The following ABCC3 variants were observed in gnomAD, a reference collection of about 807,000 sequenced individuals.
ABCC3 encodes the protein ATP binding cassette subfamily C member 3.
Under a neutral mutation model 165.3 loss-of-function variants are expected in ABCC3, and 121 were observed. The observed-to-expected ratio is 0.73, with a 90% CI of 0.63 to 0.85. ABCC3 has a LOEUF of 0.85. Among genes scored for constraint, ABCC3 ranks in the 40% least tolerant of loss-of-function variants. The pLI, the probability that ABCC3 is intolerant of heterozygous loss-of-function variation, is 0.00. For synonymous variants in ABCC3, 733 were observed against 810.1 expected, an observed-to-expected ratio of 0.90 and a Z score of 1.62; for missense variants, 1,869 against 1,964.1, an observed-to-expected ratio of 0.95 and a Z score of 0.92.
chr17:50,676,664 G>A (rs1267106077), intron 23 of ABCC3, 76 bp downstream of exon 23: 7 of 1,092,408 alleles, frequency 6.4e-6, no homozygotes, highest in South Asian at 1.5e-5. Flanking sequence ...GGCAGCAGGG[G>A]TGGGACACTT....
intron 1 of ABCC3, among the ~76,000 whole-genome samples, chr17:50,652,087 A>G (rs1967124599): frequency 6.6e-6 from 1 of 152,252 alleles, no homozygotes; most frequent in Non-Finnish European, 1.5e-5. Flanking sequence ...CTGAGAGAAT[A>G]CTTCATTTAT....
chr17:50,690,966 G>A (rs752425987), intron 30 of ABCC3, 126 bp from the exon 31 acceptor site: 7 of 662,184 alleles, frequency 1.1e-5, no homozygotes, highest in South Asian at 1.8e-5. Flanking sequence ...CATGTGGTGC[G>A]GTGGCTGTGT....
chr17:50,669,043 T>A (rs1238954963), intron 15 of ABCC3, 97 bp from the exon 16 acceptor site: 2 of 1,596,158 alleles, frequency 1.3e-6, no homozygotes, highest in African/African-American at 2.7e-5. Context: ...CAGGGGGGTG[T>A]CTGGAAGGGC....
At chr17:50,635,393 C>T (rs1567822136) in intron 1 of ABCC3, 1 of 680,440 alleles carries the variant, frequency 1.5e-6, no homozygotes, top group Non-Finnish European at 2.7e-6. Context: ...GGTTAGGACT[C>T]GGTTGCCCAC....
Position 50,669,271 on chromosome 17 carries a change from G to A in ABCC3, c.2064+5G>A. ...GAAGGCAAAGTGCACATGAAGGTGA[G>A]AGAGGCAGGGGCTCCTGGGCAGGGT... On this transcript the variant is annotated splice_donor_5th_base_variant and intron_variant, in intron 16 of 30. Transcript: ENST00000285238. 6.2e-7 allele frequency: 1 copy of A among 1,614,122 alleles called. No individual in the cohort carries two copies. Among genetic ancestry groups the A allele is most frequent in the Non-Finnish European group, 8.5e-7 (1 of 1,180,014 alleles).
chr17:50,689,076 C>T (rs1567840586), intron 30 of ABCC3, among the ~76,000 whole-genome samples: 1 of 152,166 alleles, frequency 6.6e-6, no homozygotes, highest in Non-Finnish European at 1.5e-5. Context: ...GTGGCAGGCA[C>T]CTGTAGTCCC....
intron 30 of ABCC3, among the ~76,000 whole-genome samples, chr17:50,689,171 C>T (rs965189422): frequency 2.6e-5 from 4 of 152,036 alleles, no homozygotes; most frequent in East Asian, 1.9e-4. Context: ...GGGTGCAGAG[C>T]GAGACTCTGC....
chr17:50,657,074 A>G lies in ABCC3; in HGVS notation c.377A>G (p.Glu126Gly). ...CTGGCCACCCTGCTGATACAGTATG[A>G]GCGGCTGCAGGGCGTACAGTCTTCG... ...MLLATLLIQY[E>G]RLQGVQSSGV... Residue 126 changes from glutamate (E) to glycine (G), a missense_variant, in exon 4 of 31, where the codon GAG (glutamate) becomes GGG (glycine). By Grantham distance (98) the Glu-to-Gly change is moderately conservative. Transcript: ENST00000285238. 6.2e-7 allele frequency: 1 copy of G among 1,613,850 alleles called. No homozygotes were observed.
intron 25 of ABCC3, chr17:50,678,926 GA>G (rs57215419): frequency 0.1 from 15,232 of 146,372 alleles, 1,046 homozygotes; most frequent in East Asian, 0.33. Context: ...TCTCAAGAGA[GA>G]AAAAAAAAAA....
At position 50,674,022 on chromosome 17, in the gene ABCC3, CTCTCTCTCTCTCTCTTTCTTTCTT is replaced by C. The variant is rs1967741829; in HGVS notation, c.2599+368_2599+391del. The stretch of plus-strand genomic sequence containing the variant: ...TCTCTCTCTCTCTCTCTCTCTCTCT[CTCTCTCTCTCTCTCTTTCTTTCTT>C]TCTTTCTTTCTTTCTTTCTTTCTTT... On this transcript the variant is annotated intron_variant, in intron 19 of 30. Transcript: ENST00000285238. 2.3e-3 allele frequency among the ~76,000 whole-genome samples: 16 copies of C among 6,906 alleles called. 1 individual carries two copies. The highest frequency in any genetic ancestry group is 9.3e-3 in the African/African-American group (14 of 1,506). 4.5% of individuals were successfully genotyped at this position (6,906 alleles called of 152,430 possible). A position where few individuals can be genotyped will look rare whatever the true frequency, so the allele number is the denominator to read the frequency against.
At chr17:50,685,094 G>A (rs376562180) in intron 29 of ABCC3, among the ~76,000 whole-genome samples, 10 of 152,162 alleles carry the variant, frequency 6.6e-5, no homozygotes, top group African/African-American at 1.4e-4. Flanking sequence ...CCACTTCACC[G>A]GTCAGGGAAC....
Position 50,669,333 on chromosome 17 carries a change from A to C in ABCC3, c.2065-19A>C. On this transcript the variant is annotated intron_variant, in intron 16 of 30. Transcript: ENST00000285238. ...CCAGGCCTTGGGCAAGCCCCGAGGT[A>C]AATTTCTCCTGTGGCCAGGGCTCCG... is the stretch of plus-strand genomic sequence containing the variant. The C allele has an allele frequency of 6.2e-7, 1 of 1,614,188 alleles. No individual in the cohort carries two copies. Among genetic ancestry groups the C allele is most frequent in the Non-Finnish European group, 8.5e-7 (1 of 1,180,010 alleles).
At position 50,659,232 on chromosome 17, in the gene ABCC3, C is replaced by G. The variant is rs766502605; in HGVS notation, c.675-5C>G. ...GGCTGCCTGCCGGGCTTCACCTCCC[C>G]CCAGGATGGCCATCTATGGCTACCG... On this transcript the variant is annotated splice_polypyrimidine_tract_variant and splice_region_variant and intron_variant, in intron 6 of 30. Transcript: ENST00000285238. The G allele has an allele frequency of 5.0e-6, 8 of 1,613,476 alleles. No individual in the cohort carries two copies. The highest frequency in any genetic ancestry group is 1.7e-4 in the Middle Eastern group (1 of 5,944).
intron 19 of ABCC3, among the ~76,000 whole-genome samples, chr17:50,675,138 C>G (rs916846811): frequency 1.3e-5 from 2 of 152,158 alleles, no homozygotes; most frequent in Non-Finnish European, 2.9e-5. Flanking sequence ...AACTCCAGAG[C>G]CCAAGTTCCT....
In ABCC3 at chr17:50,656,780, C is replaced by T. The variant is rs922105178; in HGVS notation, c.301C>T (p.Pro101Ser). 6.2e-7 allele frequency: 1 copy of T among 1,613,880 alleles called. No individual in the cohort carries two copies. Among genetic ancestry groups the T allele is most frequent in the Admixed American group, 1.7e-5 (1 of 59,956 alleles). The change falls in exon 3 of 31, where the codon CCT becomes TCT. Residue 101 changes from proline (P) to serine (S), a missense_variant. Transcript: ENST00000285238. ...CCATGGCCTGGTCCATGGCCGGGCC[C>T]CTGCCCCTGTTTTCTTTGTCACCCC... ...SFHGLVHGRAPAPVFFVTPLV... is the reference protein window; with the variant it reads ...SFHGLVHGRASAPVFFVTPLV...
At position 50,683,642 on chromosome 17, in the gene ABCC3, C is replaced by T. The variant is rs760727409; in HGVS notation, c.3840C>T (p.Pro1280=). ...APWVVEGSRP[P]EGWPPRGEVE... ...GGGTGGTGGAAGGCAGCCGCCCTCC[C>T]GAAGGTTGGCCCCCACGTGGGGAGG... is the stretch of plus-strand genomic sequence containing the variant. The change falls in exon 27 of 31, where the codon CCC becomes CCT. Residue 1280 remains proline, a synonymous_variant. Coordinates refer to ENST00000285238, the MANE Select transcript of ABCC3 (RefSeq NM_003786.4). 28 of 1,595,616 alleles carry T rather than the reference C, an allele frequency of 1.8e-5. No homozygotes were observed. The highest frequency in any genetic ancestry group is 1.4e-4 in the East Asian group (6 of 43,648).
At chr17:50,679,722 G>A in intron 25 of ABCC3, 76 bp from the exon 26 acceptor site, 2 of 1,366,158 alleles carry the variant, frequency 1.5e-6, no homozygotes, top group Non-Finnish European at 2.1e-6. Context: ...CATGATCCAG[G>A]AGTCTGAACT....
chr17:50,643,853 G>C (rs903282851), intron 1 of ABCC3, among the ~76,000 whole-genome samples: 1 of 152,118 alleles, frequency 6.6e-6, no homozygotes, highest in Non-Finnish European at 1.5e-5. Context: ...CCATGGGGGG[G>C]GTCTTGAGGA....
At chr17:50,664,163 T>C (rs753170098) in intron 10 of ABCC3, 52 bp downstream of exon 10, 53 of 1,603,134 alleles carry the variant, frequency 3.3e-5, no homozygotes, top group Non-Finnish European at 3.3e-5. Flanking sequence ...GCTGCAGAAG[T>C]GGCAAGAGAG....
Sources: allele counts gnomAD v4.1 joint callset (sites outside exome capture counted in the v4.1 genomes callset), GRCh38; gene constraint gnomAD v4.1.1; transcripts MANE v1.5; gene names NCBI Gene and HGNC (gene_info 2026-07-23, HGNC 2026-07-21).